The following FBRSL1 variants were observed in gnomAD, a reference collection of about 807,000 sequenced individuals.
FBRSL1 encodes the protein fibrosin like 1.
FBRSL1 carries 51 observed loss-of-function variants against 89.6 expected under a neutral mutation model. The ratio of observed to expected loss-of-function variants is 0.57; its 90% CI spans 0.45 to 0.72. The LOEUF is 0.72. Ranked by LOEUF, FBRSL1 falls within the 30% of genes least tolerant of loss-of-function variation. The pLI is 0.00. For missense variants in FBRSL1, 1,618 were observed against 1,451.8 expected, an observed-to-expected ratio of 1.11 and a Z score of -1.86; for synonymous variants, 779 against 681.1, an observed-to-expected ratio of 1.14 and a Z score of -2.24.
intron 5 of FBRSL1, among the ~76,000 whole-genome samples, chr12:132,563,460 T>C (rs1242402429): frequency 6.7e-6 from 1 of 150,162 alleles, no homozygotes; most frequent in Non-Finnish European, 1.5e-5. Context: ...ATGTCTGGGG[T>C]TTCTCATTCG....
intron 5 of FBRSL1, chr12:132,553,404 C>T (rs980813784): frequency 2.6e-5 from 4 of 152,162 alleles, no homozygotes; most frequent in African/African-American, 4.8e-5. Flanking sequence ...GTTGGGTCCC[C>T]GAGACAGGCC....
intron 11 of FBRSL1, among the ~76,000 whole-genome samples, chr12:132,573,044 G>A (rs1320555771): frequency 6.6e-6 from 1 of 152,206 alleles, no homozygotes; most frequent in African/African-American, 2.4e-5. Flanking sequence ...CGGGCCTTAC[G>A]GGGCCGTCCA....
In FBRSL1 at chr12:132,570,436, A is replaced by G; in HGVS notation, c.1109A>G (p.Gln370Arg). The G allele has an allele frequency of 6.5e-7, 1 of 1,534,772 alleles. No individual in the cohort carries two copies. Among genetic ancestry groups the G allele is most frequent in the Non-Finnish European group, 8.7e-7 (1 of 1,145,766 alleles). The change falls in exon 8 of 19, where the codon CAG (glutamine) becomes CGG (arginine). Residue 370 changes from glutamine (Q) to arginine (R), a missense_variant. Coordinates refer to ENST00000680143, the MANE Select transcript of FBRSL1 (RefSeq NM_001367871.1). ...LSTSHLALRSQAQHQLHAAMF... is the reference protein window; with the variant it reads ...LSTSHLALRSRAQHQLHAAMF... ...ACCTCACACCTGGCGCTCCGGTCCC[A>G]GGCGCAGCACCAGCTCCACGCGGCC...
Position 132,499,023 on chromosome 12 carries a change from A to G in FBRSL1, c.291+8162A>G, listed in dbSNP as rs185549633. 8.5e-4 allele frequency among the ~76,000 whole-genome samples: 129 copies of G among 152,250 alleles called. 2 individuals are homozygous for G. The East Asian group carries it at 0.023, about 27-fold the overall frequency. On this transcript the variant is annotated intron_variant, in intron 1 of 18. Transcript: ENST00000680143. The surrounding 1 kb of genome is among the most constrained non-coding windows in gnomAD (Gnocchi z 4.3). ...CCCCTTCTGCCTGTGTATGTGACCA[A>G]GGGTACCTGCCACCTCTGCTGTCCC...
chr12:132,570,118 A>C lies in FBRSL1; in HGVS notation c.884A>C (p.His295Pro). ...PLVKKEPPAPHRHTPQPPPPQ... is the reference protein window; with the variant it reads ...PLVKKEPPAPPRHTPQPPPPQ... ...GTGAAGAAGGAACCCCCCGCCCCGC[A>C]CCGCCACACCCCGCAGCCGCCACCC... Residue 295 changes from histidine to proline, a missense_variant, in exon 7 of 19, where the codon CAC becomes CCC. By Grantham distance (77) the His-to-Pro change is moderately conservative (BLOSUM62 -2). Coordinates refer to ENST00000680143, the MANE Select transcript of FBRSL1 (RefSeq NM_001367871.1). The C allele has an allele frequency of 6.8e-7, 1 of 1,473,144 alleles. No homozygotes were observed. The highest frequency in any genetic ancestry group is 8.9e-7 in the Non-Finnish European group (1 of 1,119,874). The allele number at this position is 1,473,144 out of a possible 1,614,324, so 91.3% of individuals were successfully genotyped here.
intron 2 of FBRSL1, among the ~76,000 whole-genome samples, chr12:132,521,575 G>A (rs542370363): frequency 6.6e-6 from 1 of 152,312 alleles, no homozygotes; most frequent in East Asian, 1.9e-4. Context: ...GAGGCTGGAG[G>A]CATCGTGGCC....
In FBRSL1 at chr12:132,510,477, C is replaced by T. The variant is rs1007590955; in HGVS notation, c.489+2127C>T. 7 of 1,231,862 alleles carry T rather than the reference C, an allele frequency of 5.7e-6. No homozygotes were observed. In the African/African-American group the frequency reaches 1.1e-4, roughly 19 times the overall value. 76.3% of individuals were successfully genotyped at this position (1,231,862 alleles called of 1,614,324 possible). The stretch of plus-strand genomic sequence containing the variant: ...GCAGGCACCTCCCCATATGGGTTTT[C>T]CAGCCCACTCCAGTGTGATCTGCAC... On this transcript the variant is annotated intron_variant, in intron 2 of 18. Coordinates refer to ENST00000680143, the MANE Select transcript of FBRSL1 (RefSeq NM_001367871.1).
At chr12:132,567,407 G>T in intron 5 of FBRSL1, 74 bp from the exon 6 acceptor site, 1 of 1,442,374 alleles carries the variant, frequency 6.9e-7, no homozygotes, top group African/African-American at 1.4e-5. Flanking sequence ...AGACTTGTGT[G>T]TGGGCATTGG....
chr12:132,525,896 G>A (rs1020923401), intron 3 of FBRSL1, 73 bp downstream of exon 3: 30 of 1,296,610 alleles, frequency 2.3e-5, no homozygotes, highest in Middle Eastern at 5.1e-4. Context: ...GCACAAGGGC[G>A]TCCAGTCCGA....
intron 15 of FBRSL1, among the ~76,000 whole-genome samples, chr12:132,578,632 C>T (rs569023779): frequency 5.3e-5 from 8 of 152,286 alleles, no homozygotes; most frequent in Non-Finnish European, 7.4e-5. Context: ...ATGGGCACTG[C>T]GTTGCCCAGT....
rs2039734919 is a variant in FBRSL1 at position 132,567,838 on chromosome 12, C to A, written c.691+312C>A. 2.0e-5 allele frequency among the ~76,000 whole-genome samples: 3 copies of A among 152,190 alleles called. 1 individual carries two copies. The South Asian group carries it at 6.2e-4, about 31-fold the overall frequency. ...GGGTCAGATGCTCGGTACTGAAGGG[C>A]CACCTGCCACGAGCACCACAATCAC... On this transcript the variant is annotated intron_variant, in intron 6 of 18. Coordinates refer to ENST00000680143, the MANE Select transcript of FBRSL1 (RefSeq NM_001367871.1).
At position 132,570,239 on chromosome 12, in the gene FBRSL1, C is replaced by G. The variant is rs2039916845; in HGVS notation, c.1005C>G (p.Leu335=). Residue 335 remains leucine (L), a splice_region_variant and synonymous_variant, in exon 7 of 19, where the codon CTC becomes CTG. Coordinates refer to ENST00000680143, the MANE Select transcript of FBRSL1 (RefSeq NM_001367871.1). ...SQAAANGLHG[L]SRSSSAPLGL... is the part of the protein sequence containing the mutation. The stretch of plus-strand genomic sequence containing the variant: ...CGGCAGCCAACGGCCTGCACGGCCT[C>G]AGGTGGGGTCCCCGCGGGGGACGGG... 8 of 1,492,170 alleles carry G rather than the reference C, an allele frequency of 5.4e-6. No homozygotes were observed. The East Asian group carries it at 2.1e-4, about 39-fold the overall frequency. The allele number at this position is 1,492,170 out of a possible 1,614,324, so 92.4% of individuals were successfully genotyped here.
At chr12:132,508,388 G>C (rs1175233781) in intron 2 of FBRSL1, 38 bp downstream of exon 2, 2 of 1,395,964 alleles carry the variant, frequency 1.4e-6, no homozygotes, top group Admixed American at 5.2e-5. Flanking sequence ...CTCTGCGGCG[G>C]GTCAGTGCTC....
chr12:132,510,364 G>A, intron 2 of FBRSL1: 5 of 1,231,740 alleles, frequency 4.1e-6, no homozygotes, highest in Non-Finnish European at 5.1e-6. Flanking sequence ...GGCCATCCCT[G>A]CCGGCCCCTG....
rs1473994476 is a variant in FBRSL1 at position 132,499,198 on chromosome 12, G to A, written c.291+8337G>A. Among the ~76,000 whole-genome samples, 5 of 152,162 alleles carry A rather than the reference G, an allele frequency of 3.3e-5. No individual in the cohort carries two copies. The highest frequency in any genetic ancestry group is 1.2e-4 in the African/African-American group (5 of 41,444). ...TGATGCTGCACAGTGGAGCCTCCAG[G>A]GCCGGCCAGGCAGGGATGGTGCCGG... On this transcript the variant is annotated intron_variant, in intron 1 of 18. Coordinates refer to ENST00000680143, the MANE Select transcript of FBRSL1 (RefSeq NM_001367871.1). The surrounding 1 kb of genome is among the most constrained non-coding windows in gnomAD (Gnocchi z 4.3).
In FBRSL1 at chr12:132,527,961, G is replaced by A. The variant is rs1384482638; in HGVS notation, c.588G>A (p.Ala196=). ...SSRDPLSDSS[A]HAVSGRGYSC... ...CCTCTTCCTTCCTGCAGAGCTCTGC[G>A]CATGCGGTCTCGGGGAGAGGCTACT... The change falls in exon 4 of 19, where the codon GCG becomes GCA. Residue 196 remains alanine, a synonymous_variant. Transcript: ENST00000680143. 36 of 1,551,232 alleles carry A rather than the reference G, an allele frequency of 2.3e-5. No homozygotes were observed. Among genetic ancestry groups the A allele is most frequent in the South Asian group, 5.9e-5 (5 of 84,058 alleles).
intron 5 of FBRSL1, chr12:132,551,474 C>CTT (rs1483030535): frequency 2.2e-6 from 1 of 456,208 alleles, no homozygotes. Flanking sequence ...CCGAGGAAGC[C>CTT]TTCTGGACGG....
chr12:132,551,569 G>A, intron 5 of FBRSL1: 1 of 456,296 alleles, frequency 2.2e-6, no homozygotes, highest in South Asian at 1.5e-5. Context: ...CTTGGTTTGG[G>A]GTGCCAGCTC....
chr12:132,560,491 T>TTG (rs2137612443), intron 5 of FBRSL1, among the ~76,000 whole-genome samples: 1 of 151,698 alleles, frequency 6.6e-6, no homozygotes, highest in South Asian at 2.1e-4. Context: ...GGGCCGAGCG[T>TTG]TGTGGGTGGC....
Sources: allele counts gnomAD v4.1 joint callset (sites outside exome capture counted in the v4.1 genomes callset), GRCh38; gene constraint gnomAD v4.1.1; non-coding constraint Gnocchi (gnomAD v3.1); transcripts MANE v1.5; gene names NCBI Gene and HGNC (gene_info 2026-07-23, HGNC 2026-07-21).